Variants in CEPT1 observed in about 807,000 individuals in gnomAD.
The protein encoded by CEPT1 is choline/ethanolaminephosphotransferase 1.
A neutral mutation model predicts 42.6 loss-of-function variants in CEPT1; 7 were observed. That is an observed-to-expected ratio of 0.16 (90% confidence interval 0.09 to 0.31). CEPT1 has a LOEUF of 0.31. Ranked by LOEUF, CEPT1 falls within the 10% of genes least tolerant of loss-of-function variation. The pLI, the probability that CEPT1 is intolerant of heterozygous loss-of-function variation, is 1.00. For synonymous variants in CEPT1, 171 were observed against 171.9 expected, an observed-to-expected ratio of 0.99 and a Z score of 0.04; for missense variants, 306 against 502.1, an observed-to-expected ratio of 0.61 and a Z score of 3.73.
intron 4 of CEPT1, among the ~76,000 whole-genome samples, chr1:111,168,601 G>A (rs1656259337): frequency 6.6e-6 from 1 of 151,562 alleles, no homozygotes; most frequent in South Asian, 2.1e-4. Flanking sequence ...CCATTCTCCT[G>A]CCTCAGCCTC....
rs1186262116 is a variant in CEPT1 at position 111,178,614 on chromosome 1, T to C, written c.715-3573T>C. The stretch of plus-strand genomic sequence containing the variant: ...TGCCTTGGAACTATGTTCTATCATA[T>C]CACTCTTTAAAAAAAACAAAGAAGA... On this transcript the variant is annotated intron_variant, in intron 5 of 8. Transcript: ENST00000357172. 1.3e-5 allele frequency: 2 copies of C among 152,130 alleles called. 1 individual carries two copies. The highest frequency in any genetic ancestry group is 3.8e-4 in the East Asian group (2 of 5,204). 9.4% of individuals were successfully genotyped at this position (152,130 alleles called of 1,614,324 possible). A position where few individuals can be genotyped will look rare whatever the true frequency, so the allele number is the denominator to read the frequency against.
chr1:111,178,796 G>C (rs1177422249), intron 5 of CEPT1: 1 of 152,116 alleles, frequency 6.6e-6, no homozygotes, highest in Non-Finnish European at 1.5e-5. Flanking sequence ...TACTACTGCA[G>C]GTGAGGTTTC....
At chr1:111,177,442 A>G (rs973136386) in intron 5 of CEPT1, among the ~76,000 whole-genome samples, 1 of 152,110 alleles carries the variant, frequency 6.6e-6, no homozygotes, top group Non-Finnish European at 1.5e-5. Flanking sequence ...AGCATTTTAG[A>G]TTTTGGATTT....
chr1:111,174,770 A>ATTTTTTTT, intron 4 of CEPT1, 109 bp from the exon 5 acceptor site: 4 of 566,348 alleles, frequency 7.1e-6, no homozygotes, highest in Non-Finnish European at 3.1e-6. Flanking sequence ...AATATTTGAG[A>ATTTTTTTT]TTTTTTTTTT....
At chr1:111,149,214 A>G (rs1413007841) in intron 2 of CEPT1, among the ~76,000 whole-genome samples, 1 of 149,410 alleles carries the variant, frequency 6.7e-6, no homozygotes, top group Non-Finnish European at 1.5e-5. Flanking sequence ...CTCTTCTACT[A>G]TTGCAAATAC....
chr1:111,161,455 G>A (rs1655869544), intron 4 of CEPT1, among the ~76,000 whole-genome samples, 159 bp downstream of exon 4: 1 of 152,024 alleles, frequency 6.6e-6, no homozygotes, highest in African/African-American at 2.4e-5. Context: ...AATAGTCTCT[G>A]CATATGTCCC....
rs1334504508 is a variant in CEPT1 at position 111,161,257 on chromosome 1, A to C, written c.590A>C (p.His197Pro). ...FAGTFMFYCA[H>P]WQTYVSGTLR... ...GGGACATTTATGTTCTATTGTGCGC[A>C]CTGGCAAACGTATGTTTCTGGAACA... is the stretch of plus-strand genomic sequence containing the variant. Residue 197 changes from histidine to proline, a missense_variant, in exon 4 of 9, where the codon CAC becomes CCC. Around this residue, in one of 2 missense-constraint regions of CEPT1, gnomAD observed 253 missense variants for 447.3 expected, o/e 0.57. Coordinates refer to ENST00000357172, the MANE Select transcript of CEPT1 (RefSeq NM_006090.5). 4.3e-6 allele frequency: 7 copies of C among 1,613,420 alleles called. No individual in the cohort carries two copies. Among genetic ancestry groups the C allele is most frequent in the Non-Finnish European group, 5.9e-6 (7 of 1,179,824 alleles).
At position 111,182,929 on chromosome 1, in the gene CEPT1, T is replaced by G; in HGVS notation, c.977T>G (p.Val326Gly). 6.2e-7 allele frequency: 1 copy of G among 1,613,464 alleles called. No individual in the cohort carries two copies. Among genetic ancestry groups the G allele is most frequent in the Non-Finnish European group, 8.5e-7 (1 of 1,179,660 alleles). ...PCLYILTFGF[V>G]SAKITNKLVV... ...CTTTATATACTGACATTTGGTTTTG[T>G]GTCTGCTAAAATCACTAATAAGCTT... Residue 326 changes from valine (V) to glycine (G), a missense_variant, in exon 7 of 9, where the codon GTG (valine) becomes GGG (glycine). Val to Gly is a moderately radical substitution (Grantham distance 109). This residue lies in a region of CEPT1 where 253 missense variants were observed against 447.3 expected (regional missense o/e 0.57). Transcript: ENST00000357172.
At chr1:111,174,744 CT>C in intron 4 of CEPT1, 134 bp from the exon 5 acceptor site, 1 of 527,162 alleles carries the variant, frequency 1.9e-6, no homozygotes, top group Non-Finnish European at 3.4e-6. Flanking sequence ...TTGATGCCTC[CT>C]TTTCCCCTTT....
chr1:111,145,019 ATT>A lies in CEPT1; in HGVS notation c.-73-2610_-73-2609del, dbSNP rs542392286. Reference sequence around the variant, plus strand: ...TTTCTCTCCTTGATTTGAAATATTAATTTTTTTTTTTTTTAAGACAGAGTCTC... The same window carrying A: ...TTTCTCTCCTTGATTTGAAATATTAATTTTTTTTTTTTAAGACAGAGTCTC... On this transcript the variant is annotated intron_variant, in intron 1 of 8. Transcript: ENST00000357172. Among the ~76,000 whole-genome samples the A allele has an allele frequency of 6.9e-3, 1,020 of 146,798 alleles. 5 individuals are homozygous for A. Among genetic ancestry groups the A allele is most frequent in the Non-Finnish European group, 0.011 (732 of 66,220 alleles).
intron 7 of CEPT1, 76 bp from the exon 8 acceptor site, chr1:111,183,386 A>T: frequency 6.7e-7 from 1 of 1,493,156 alleles, no homozygotes. Flanking sequence ...TTGATATCTG[A>T]GCACAATATG....
intron 2 of CEPT1, among the ~76,000 whole-genome samples, chr1:111,159,006 C>T (rs1413969387): frequency 1.4e-5 from 2 of 146,566 alleles, no homozygotes; most frequent in African/African-American, 2.6e-5. Context: ...CTCCGCCTCC[C>T]GGGTTCACGC....
At chr1:111,167,493 C>T (rs1182900854) in intron 4 of CEPT1, 1 of 858,998 alleles carries the variant, frequency 1.2e-6, no homozygotes, top group Non-Finnish European at 1.4e-6. Flanking sequence ...AATACCTTTC[C>T]ACCAGTAAAT....
At chr1:111,165,437 T>G (rs949010037) in intron 4 of CEPT1, among the ~76,000 whole-genome samples, 2 of 152,236 alleles carry the variant, frequency 1.3e-5, no homozygotes, top group African/African-American at 4.8e-5. Context: ...CTTCAATTAT[T>G]TTTTCCAAGA....
intron 2 of CEPT1, among the ~76,000 whole-genome samples, chr1:111,157,081 C>G (rs1189803663): frequency 4.6e-5 from 7 of 152,100 alleles, no homozygotes; most frequent in Non-Finnish European, 1.5e-5. Flanking sequence ...AGGCTTTCAT[C>G]TTAAAATACC....
chr1:111,181,660 A>G (rs770322292), intron 5 of CEPT1: 1 of 152,192 alleles, frequency 6.6e-6, no homozygotes, highest in Non-Finnish European at 1.5e-5. Flanking sequence ...TATCCTAACA[A>G]TTTGGAGTTG....
At chr1:111,161,109 T>C (rs370896689) in intron 3 of CEPT1, 46 bp from the exon 4 acceptor site, 1 of 1,607,080 alleles carries the variant, frequency 6.2e-7, no homozygotes, top group African/African-American at 1.3e-5. Flanking sequence ...GCTCAGTTGT[T>C]TGCTATTCAT....
Position 111,161,259 on chromosome 1 carries a change from T to C in CEPT1, c.592T>C (p.Trp198Arg). 6.2e-7 allele frequency: 1 copy of C among 1,613,386 alleles called. No homozygotes were observed. Among genetic ancestry groups the C allele is most frequent in the Non-Finnish European group, 8.5e-7 (1 of 1,179,772 alleles). The change falls in exon 4 of 9, where the codon TGG becomes CGG. Residue 198 changes from tryptophan to arginine, a missense_variant. Coordinates refer to ENST00000357172, the MANE Select transcript of CEPT1 (RefSeq NM_006090.5). ...GACATTTATGTTCTATTGTGCGCAC[T>C]GGCAAACGTATGTTTCTGGAACATT... The part of the protein sequence containing the change: ...AGTFMFYCAH[W>R]QTYVSGTLRF...
At chr1:111,175,852 C>G (rs2101381927) in intron 5 of CEPT1, among the ~76,000 whole-genome samples, 1 of 152,182 alleles carries the variant, frequency 6.6e-6, no homozygotes, top group Middle Eastern at 3.4e-3. Context: ...CTACCATCAC[C>G]CCTTCAGAAT....
Sources: gnomAD v4.1 joint callset for allele counts (sites outside exome capture counted in the v4.1 genomes callset) on GRCh38, gnomAD v4.1.1 for gene constraint, gnomAD v4.1.1 regional missense constraint, MANE v1.5 for transcripts, NCBI Gene and HGNC (gene_info 2026-07-23, HGNC 2026-07-21) for gene names.